Variants in RAB31 observed in about 807,000 individuals in gnomAD.
RAB31 encodes the protein RAB31, member RAS oncogene family, also known as ras-related protein Rab-31.
A neutral mutation model predicts 25.6 loss-of-function variants in RAB31; 21 were observed. The ratio of observed to expected loss-of-function variants is 0.82; its 90% confidence interval spans 0.58 to 1.18. The LOEUF is 1.18. Ranked by LOEUF, RAB31 falls within the 50% of genes most tolerant of loss-of-function variation. The probability of loss-of-function intolerance (pLI) is 0.00; values close to 1 mark genes in which losing one functional copy is unlikely to be tolerated. For missense variants in RAB31, 196 were observed against 250.1 expected (o/e 0.78, Z 1.46); for synonymous variants, 87 against 84.0 (o/e 1.04, Z -0.20).
intron 6 of RAB31, among the ~76,000 whole-genome samples, chr18:9,858,662 A>G (rs912036235): frequency 3.3e-5 from 5 of 152,232 alleles, no homozygotes; most frequent in Non-Finnish European, 7.3e-5. Flanking sequence ...ACTGTTTCCT[A>G]TGAAAAGTGT....
chr18:9,752,022 G>C (rs776555585), intron 1 of RAB31, among the ~76,000 whole-genome samples: 20 of 152,146 alleles, frequency 1.3e-4, no homozygotes, highest in Non-Finnish European at 2.5e-4. Flanking sequence ...GCTTGGCTTA[G>C]CTCCTCTCTG....
At chr18:9,812,618 T>A (rs2068578838) in intron 3 of RAB31, among the ~76,000 whole-genome samples, 2 of 152,086 alleles carry the variant, frequency 1.3e-5, no homozygotes, top group African/African-American at 2.4e-5. Context: ...TTTACCTTTA[T>A]ATATATCTTT....
chr18:9,846,987 C>T (rs1660125448), intron 6 of RAB31, among the ~76,000 whole-genome samples: 1 of 152,178 alleles, frequency 6.6e-6, no homozygotes, highest in Admixed American at 6.5e-5. Context: ...TTCTTACTCT[C>T]AACAGAATGG....
chr18:9,835,419 A>G (rs2068699257), intron 5 of RAB31, among the ~76,000 whole-genome samples: 1 of 151,536 alleles, frequency 6.6e-6, no homozygotes, highest in African/African-American at 2.5e-5. Context: ...GGAATGGCCA[A>G]GTCCCCTAGA....
chr18:9,709,204 G>A (rs1178827560), intron 1 of RAB31, among the ~76,000 whole-genome samples: 1 of 152,198 alleles, frequency 6.6e-6, no homozygotes, highest in Non-Finnish European at 1.5e-5. Context: ...CAATCCGTGC[G>A]GCCCGGGGAC....
chr18:9,724,274 AAAAAAAAAAAAAAC>A (rs1292051926), intron 1 of RAB31, among the ~76,000 whole-genome samples: 5 of 119,280 alleles, frequency 4.2e-5, no homozygotes, highest in Admixed American at 9.3e-5. Flanking sequence ...CCGTCTCAAA[AAAAAAAAAAAAAAC>A]AAAAAAAAAA....
At chr18:9,806,470 G>A (rs532272024) in intron 3 of RAB31, among the ~76,000 whole-genome samples, 5 of 152,078 alleles carry the variant, frequency 3.3e-5, no homozygotes, top group East Asian at 3.9e-4. Context: ...GCTAGAAGGC[G>A]TCAGGGAAGG....
In RAB31 at chr18:9,708,633, C is replaced by T. The variant is rs2067998974; in HGVS notation, c.39+189C>T. On this transcript the variant is annotated intron_variant, in intron 1 of 6. Coordinates refer to ENST00000578921, the MANE Select transcript of RAB31 (RefSeq NM_006868.4). The surrounding 1 kb of genome is among the most constrained non-coding windows in gnomAD (Gnocchi z 6.4). Reference sequence around the variant, plus strand: ...CCTGGCTCCCCTAGTCCGTGCGCCCCTCGCTCTCCGCGCCCCTCGCTCTCC... The same window carrying T: ...CCTGGCTCCCCTAGTCCGTGCGCCCTTCGCTCTCCGCGCCCCTCGCTCTCC... 1.3e-5 allele frequency among the ~76,000 whole-genome samples: 2 copies of T among 151,928 alleles called. No individual in the cohort carries two copies. Among genetic ancestry groups the T allele is most frequent in the African/African-American group, 4.8e-5 (2 of 41,468 alleles).
intron 1 of RAB31, among the ~76,000 whole-genome samples, chr18:9,772,342 G>A (rs1425153990): frequency 6.6e-6 from 1 of 152,190 alleles, no homozygotes; most frequent in Non-Finnish European, 1.5e-5. Flanking sequence ...GTCACTGGGT[G>A]ATAGGGTAAG....
At chr18:9,724,131 C>T (rs375509703) in intron 1 of RAB31, among the ~76,000 whole-genome samples, 13 of 150,666 alleles carry the variant, frequency 8.6e-5, no homozygotes, top group African/African-American at 2.2e-4. Context: ...ATTAGCCGGG[C>T]GTAGTGGCGG....
At chr18:9,843,115 C>A (rs1426703260) in intron 5 of RAB31, among the ~76,000 whole-genome samples, 1 of 152,190 alleles carries the variant, frequency 6.6e-6, no homozygotes, top group Admixed American at 6.5e-5. Context: ...GATTTCCTCT[C>A]ACCTGCGGGC....
intron 1 of RAB31, among the ~76,000 whole-genome samples, chr18:9,731,153 C>T (rs1171953359): frequency 6.6e-6 from 1 of 152,168 alleles, no homozygotes; most frequent in Non-Finnish European, 1.5e-5. Context: ...CTGTGTTGAT[C>T]AGGCTGGTCT....
At chr18:9,857,409 G>A (rs1045305250) in intron 6 of RAB31, among the ~76,000 whole-genome samples, 10 of 152,038 alleles carry the variant, frequency 6.6e-5, no homozygotes, top group African/African-American at 2.2e-4. Flanking sequence ...AGGGCCCAGC[G>A]CATAGTCAGT....
chr18:9,823,258 G>A (rs1460107985), intron 5 of RAB31, among the ~76,000 whole-genome samples: 2 of 152,104 alleles, frequency 1.3e-5, no homozygotes, highest in Non-Finnish European at 1.5e-5. Flanking sequence ...GTAGGGGTGG[G>A]GGACGGGGAG....
chr18:9,727,995 A>G (rs7232534), intron 1 of RAB31, among the ~76,000 whole-genome samples: 106,728 of 152,146 alleles, frequency 0.7, 37,848 homozygotes, highest in African/African-American at 0.75. Context: ...TTAATGACTA[A>G]ACTTAATGTA....
At chr18:9,798,497 C>T (rs1411475091) in intron 3 of RAB31, among the ~76,000 whole-genome samples, 5 of 152,142 alleles carry the variant, frequency 3.3e-5, no homozygotes, top group Non-Finnish European at 7.4e-5. Context: ...AATTTTATTA[C>T]CCCTCTTTAT....
intron 3 of RAB31, among the ~76,000 whole-genome samples, chr18:9,807,978 A>C (rs985528450): frequency 1.3e-5 from 2 of 152,200 alleles, no homozygotes; most frequent in Non-Finnish European, 2.9e-5. Flanking sequence ...ACCCTGTCCC[A>C]GTCAATCAAT....
Position 9,740,219 on chromosome 18 carries a change from A to G in RAB31, c.39+31775A>G, listed in dbSNP as rs564846960. 6.6e-5 allele frequency among the ~76,000 whole-genome samples: 10 copies of G among 152,346 alleles called. No individual in the cohort carries two copies. The East Asian group carries it at 1.9e-3, about 29-fold the overall frequency. ...AACAAGTATTTTGAGAACATCCAGG[A>G]TAATGCCAGTCATATGATGAGTTTT... is the stretch of plus-strand genomic sequence containing the variant. On this transcript the variant is annotated intron_variant, in intron 1 of 6. Transcript: ENST00000578921.
At chr18:9,799,345 G>T (rs1194383407) in intron 3 of RAB31, among the ~76,000 whole-genome samples, 4 of 152,156 alleles carry the variant, frequency 2.6e-5, no homozygotes, top group Non-Finnish European at 5.9e-5. Context: ...ACAGCATTCT[G>T]GTTAATGTCC....
Sources: allele counts gnomAD v4.1 joint callset (sites outside exome capture counted in the v4.1 genomes callset), GRCh38; gene constraint gnomAD v4.1.1; non-coding constraint Gnocchi (gnomAD v3.1); transcripts MANE v1.5; gene names NCBI Gene and HGNC (gene_info 2026-07-23, HGNC 2026-07-21).